The following KIF3B variants were observed in gnomAD, a reference collection of about 807,000 sequenced individuals.
KIF3B encodes the protein kinesin family member 3B, also known as kinesin-like protein KIF3B.
In KIF3B, 38 loss-of-function variants were observed where a neutral mutation model predicts 74.3. That is an observed-to-expected ratio of 0.51 (90% CI 0.39 to 0.67). The LOEUF (loss-of-function observed/expected upper bound fraction) is 0.67, where lower values mean the gene tolerates loss of function less well. Among genes scored for constraint, KIF3B ranks in the 30% least tolerant of loss-of-function variants. KIF3B has a pLI of 0.00. For missense variants in KIF3B, 649 were observed against 932.0 expected, an observed-to-expected ratio of 0.70 and a Z score of 3.95; for synonymous variants, 326 against 342.5, an observed-to-expected ratio of 0.95 and a Z score of 0.53.
intron 5 of KIF3B, among the ~76,000 whole-genome samples, chr20:32,317,613 T>TTATA (rs147464782): frequency 2.0e-5 from 3 of 148,726 alleles, no homozygotes; most frequent in South Asian, 2.1e-4. Flanking sequence ...TCCTACATAC[T>TTATA]TATATATATA....
In KIF3B at chr20:32,309,690, ATTTAC is replaced by A; in HGVS notation, c.-65-19_-65-15del. On this transcript the variant is annotated intron_variant, in intron 1 of 8. Coordinates refer to ENST00000375712, the MANE Select transcript of KIF3B (RefSeq NM_004798.4). ...CTGCAATGACAACGGTACTGTGCTT[ATTTAC>A]TTTTGCTTTTTCTCTAGGACCGTAG... 6.8e-7 allele frequency: 1 copy of A among 1,459,946 alleles called. No individual in the cohort carries two copies. Among genetic ancestry groups the A allele is most frequent in the Non-Finnish European group, 9.2e-7 (1 of 1,084,358 alleles). The allele number at this position is 1,459,946 out of a possible 1,614,324, so 90.4% of individuals were successfully genotyped here.
chr20:32,330,409 T>C (rs964606281), intron 8 of KIF3B, 90 bp downstream of exon 8: 2 of 1,169,364 alleles, frequency 1.7e-6, no homozygotes, highest in Admixed American at 4.1e-5. Flanking sequence ...TGGAATACTT[T>C]GCAGAACACA....
At chr20:32,289,285 C>A (rs2047680682) in intron 1 of KIF3B, among the ~76,000 whole-genome samples, 1 of 151,508 alleles carries the variant, frequency 6.6e-6, no homozygotes, top group South Asian at 2.1e-4. Context: ...ACCTCTGCCT[C>A]CTGGGTTCAA....
chr20:32,286,933 T>A (rs1340517851), intron 1 of KIF3B, among the ~76,000 whole-genome samples: 1 of 152,214 alleles, frequency 6.6e-6, no homozygotes, highest in Non-Finnish European at 1.5e-5. Context: ...CAACCCCCCT[T>A]AAATAATGTT....
intron 1 of KIF3B, among the ~76,000 whole-genome samples, chr20:32,286,475 G>A (rs986542321): frequency 2.0e-5 from 3 of 152,150 alleles, no homozygotes; most frequent in Non-Finnish European, 4.4e-5. Context: ...AGTAGTTACT[G>A]GTTTTGCAAG....
chr20:32,289,232 TCACC>T (rs1008515848), intron 1 of KIF3B, among the ~76,000 whole-genome samples: 2 of 147,884 alleles, frequency 1.4e-5, no homozygotes, highest in African/African-American at 5.0e-5. Flanking sequence ...GGAGTCTCAG[TCACC>T]CAGGCTGGAG....
chr20:32,318,752 G>A (rs1054206904), intron 5 of KIF3B, among the ~76,000 whole-genome samples: 2 of 152,072 alleles, frequency 1.3e-5, no homozygotes, highest in African/African-American at 4.8e-5. Flanking sequence ...ATTATTTCTA[G>A]TCTTTGGCTA....
intron 1 of KIF3B, among the ~76,000 whole-genome samples, chr20:32,281,417 TATC>T (rs2047642399): frequency 6.6e-6 from 1 of 152,368 alleles, no homozygotes; most frequent in South Asian, 2.1e-4. Flanking sequence ...AGCCTGGAGA[TATC>T]ATGGTAGAAA....
chr20:32,315,368 A>C (rs1046938503), intron 2 of KIF3B, among the ~76,000 whole-genome samples: 2 of 152,132 alleles, frequency 1.3e-5, no homozygotes. Context: ...CTGTCTGTGT[A>C]TCTGGCCCTG....
chr20:32,322,993 CAT>C (rs1491012258), intron 5 of KIF3B, among the ~76,000 whole-genome samples: 4,942 of 5,946 alleles, frequency 0.83, 1,973 homozygotes, highest in South Asian at 0.88. Flanking sequence ...TTTATATATA[CAT>C]ATATTTATAT....
At chr20:32,302,257 C>T (rs578169648) in intron 1 of KIF3B, among the ~76,000 whole-genome samples, 1 of 152,294 alleles carries the variant, frequency 6.6e-6, no homozygotes, top group Non-Finnish European at 1.5e-5. Context: ...AGTCCATTTT[C>T]CTGAAAGAAT....
rs752545221 is a variant in KIF3B at position 32,316,883 on chromosome 20, C to T, written c.1748+9C>T. 1.3e-6 allele frequency: 2 copies of T among 1,585,178 alleles called. No homozygotes were observed. Among genetic ancestry groups the T allele is most frequent in the Non-Finnish European group, 8.7e-7 (1 of 1,154,084 alleles). On this transcript the variant is annotated intron_variant, in intron 5 of 8. Transcript: ENST00000375712. ...AGGGAGCTGAAACTCAAGTAAGTGC[C>T]AGGCCTTCCATAGTGCCCCCAAGCC...
chr20:32,311,467 AGGCGGG>A lies in KIF3B; in HGVS notation c.1404+287_1404+292del, dbSNP rs2047800551. Among the ~76,000 whole-genome samples the A allele has an allele frequency of 4.5e-3, 4 of 894 alleles. 2 individuals carry two copies. The highest frequency in any genetic ancestry group is 0.1 in the African/African-American group (2 of 20). The allele number at this position is 894 out of a possible 152,430, so 0.6% of individuals were successfully genotyped here. ...GTAATCCCAGCACTTTGGGAGGCCGAGGCGGGCGGATCACGAGGTCAGGAGATCGAG... is the reference window on the plus strand; with the variant it reads ...GTAATCCCAGCACTTTGGGAGGCCGACGGATCACGAGGTCAGGAGATCGAG... On this transcript the variant is annotated intron_variant, in intron 2 of 8. Coordinates refer to ENST00000375712, the MANE Select transcript of KIF3B (RefSeq NM_004798.4).
Position 32,289,027 on chromosome 20 carries a change from C to G in KIF3B, c.-66+11262C>G, listed in dbSNP as rs2047679525. ...TCTGATCCGGGGTTCTGAGTGGGTCCTTATATTCTGCAGAGCTGAACCAGG... is the reference window on the plus strand; with the variant it reads ...TCTGATCCGGGGTTCTGAGTGGGTCGTTATATTCTGCAGAGCTGAACCAGG... On this transcript the variant is annotated intron_variant, in intron 1 of 8. Transcript: ENST00000375712. 2.6e-5 allele frequency among the ~76,000 whole-genome samples: 4 copies of G among 152,228 alleles called. No individual in the cohort carries two copies. In the South Asian group the frequency reaches 8.3e-4, roughly 32 times the overall value.
At chr20:32,295,665 G>T (rs2047713333) in intron 1 of KIF3B, among the ~76,000 whole-genome samples, 1 of 151,828 alleles carries the variant, frequency 6.6e-6, no homozygotes, top group Non-Finnish European at 1.5e-5. Flanking sequence ...TGACGTCTAT[G>T]CTCTAAATGC....
Position 32,301,592 on chromosome 20 carries a change from G to A in KIF3B, c.-65-8121G>A, listed in dbSNP as rs111739805. Reference sequence around the variant, plus strand: ...GGGTCTCACCGTGTTGGACAGGCTAGTCTTGAATTCCTGACCTCAGGTGAT... The same window carrying A: ...GGGTCTCACCGTGTTGGACAGGCTAATCTTGAATTCCTGACCTCAGGTGAT... On this transcript the variant is annotated intron_variant, in intron 1 of 8. Coordinates refer to ENST00000375712, the MANE Select transcript of KIF3B (RefSeq NM_004798.4). 1.7e-3 allele frequency among the ~76,000 whole-genome samples: 260 copies of A among 151,830 alleles called. 1 individual carries two copies. The highest frequency in any genetic ancestry group is 6.1e-3 in the African/African-American group (253 of 41,384).
At chr20:32,298,042 G>A (rs753893447) in intron 1 of KIF3B, among the ~76,000 whole-genome samples, 15 of 151,862 alleles carry the variant, frequency 9.9e-5, no homozygotes, top group Non-Finnish European at 1.6e-4. Context: ...CCTGGGAGGC[G>A]GAGGTTGCAG....
chr20:32,307,490 A>T (rs911394632), intron 1 of KIF3B, among the ~76,000 whole-genome samples: 7 of 152,136 alleles, frequency 4.6e-5, no homozygotes, highest in African/African-American at 1.4e-4. Flanking sequence ...AAATATCCTT[A>T]TGTATATGTC....
intron 1 of KIF3B, among the ~76,000 whole-genome samples, chr20:32,291,129 T>G (rs932789357): frequency 6.6e-6 from 1 of 152,078 alleles, no homozygotes; most frequent in Admixed American, 6.6e-5. Context: ...AATTGTTCAG[T>G]GGTTATAAAG....
Sources: gnomAD v4.1 joint callset for allele counts (sites outside exome capture counted in the v4.1 genomes callset) on GRCh38, gnomAD v4.1.1 for gene constraint, MANE v1.5 for transcripts, NCBI Gene and HGNC (gene_info 2026-07-23, HGNC 2026-07-21) for gene names.